MAP1A: variants seen among roughly 807,000 people sequenced by gnomAD.
MAP1A encodes microtubule associated protein 1A, also known as microtubule-associated protein 1A.
A neutral mutation model predicts 185.9 loss-of-function variants in MAP1A; 42 were observed. The observed-to-expected ratio is 0.23, with a 90% CI of 0.18 to 0.29. The LOEUF (loss-of-function observed/expected upper bound fraction) is 0.29, where lower values mean the gene tolerates loss of function less well. Among genes scored for constraint, MAP1A ranks in the 10% least tolerant of loss-of-function variants. The pLI, the probability that MAP1A is intolerant of heterozygous loss-of-function variation, is 1.00. For synonymous variants in MAP1A, 1,229 were observed against 1,335.9 expected, an observed-to-expected ratio of 0.92 and a Z score of 1.74; for missense variants, 2,995 against 3,450.4, an observed-to-expected ratio of 0.87 and a Z score of 3.31.
At chr15:43,511,085 A>C in exon 1 of MAP1A, 1 of 1,550,116 alleles carries the variant, frequency 6.5e-7, no homozygotes, top group East Asian at 2.4e-5. Context: ...GCTGGCTCAG[A>C]ACCCCGCGGA....
At position 43,528,569 on chromosome 15, in the gene MAP1A, A is replaced by G. The variant is rs1307407756; in HGVS notation, c.7096A>G (p.Ser2366Gly). The G allele has an allele frequency of 6.2e-7, 1 of 1,613,790 alleles. No individual in the cohort carries two copies. Among genetic ancestry groups the G allele is most frequent in the Admixed American group, 1.7e-5 (1 of 60,036 alleles). Residue 2366 changes from serine to glycine, a missense_variant, in exon 4 of 6, where the codon AGC (serine) becomes GGC (glycine). Ser to Gly is a moderately conservative substitution (Grantham distance 56). Transcript: ENST00000300231. ...TGCAGCCAATGGCCCAACTGAAACC[A>G]GCCCTAACCCCCCAGGCCCTGCCCC... Reference protein sequence around the residue: ...DCAANGPTETSPNPPGPAPAK... With the variant: ...DCAANGPTETGPNPPGPAPAK...
In MAP1A at chr15:43,529,814, C is replaced by T. The variant is rs753853596; in HGVS notation, c.8200C>T (p.Arg2734Trp). 1.1e-5 allele frequency: 17 copies of T among 1,613,982 alleles called. No homozygotes were observed. Among genetic ancestry groups the T allele is most frequent in the Admixed American group, 1.7e-5 (1 of 60,008 alleles). ...TGACCCTGCCAATGGCGAGCCAAGC[C>T]GGGCTGTGCTGGATGCCCTGCTGGA... The part of the protein sequence containing the change: ...GNDPANGEPS[R>W]AVLDALLEGK... Residue 2734 changes from arginine to tryptophan, a missense_variant, in exon 5 of 6, where the codon CGG (arginine) becomes TGG (tryptophan). This residue lies in a region of MAP1A where 2,728 missense variants were observed against 2,986.0 expected (regional missense o/e 0.91). Coordinates refer to ENST00000300231, the MANE Select transcript of MAP1A (RefSeq NM_002373.6). The surrounding 1 kb of genome is among the most constrained non-coding windows in gnomAD (Gnocchi z 4.3).
chr15:43,529,757 G>A lies in MAP1A; in HGVS notation c.8143G>A (p.Val2715Met), dbSNP rs1320218677. The A allele has an allele frequency of 6.2e-7, 1 of 1,614,194 alleles. No individual in the cohort carries two copies. Among genetic ancestry groups the A allele is most frequent in the Admixed American group, 1.7e-5 (1 of 60,032 alleles). Residue 2715 changes from valine (V) to methionine (M), a missense_variant, in exon 5 of 6, where the codon GTG (valine) becomes ATG (methionine). Transcript: ENST00000300231. The surrounding 1 kb of genome is among the most constrained non-coding windows in gnomAD (Gnocchi z 4.3). ...TGCTGACCTTGACTTCTTCCGTCGA[G>A]TGCGTGCATCCTACTATGTGGTCAG... Reference protein sequence around the residue: ...KTADLDFFRRVRASYYVVSGN... With the variant: ...KTADLDFFRRMRASYYVVSGN...
At position 43,523,555 on chromosome 15, in the gene MAP1A, G is replaced by A. The variant is rs988286517; in HGVS notation, c.2082G>A (p.Arg694=). The A allele has an allele frequency of 2.0e-5, 32 of 1,614,056 alleles. No homozygotes were observed. Among genetic ancestry groups the A allele is most frequent in the Non-Finnish European group, 2.7e-5 (32 of 1,180,034 alleles). The change falls in exon 4 of 6, where the codon AGG becomes AGA. Residue 694 remains arginine (R), a synonymous_variant. Coordinates refer to ENST00000300231, the MANE Select transcript of MAP1A (RefSeq NM_002373.6). ...HMQEPLKVTP[R]SREAFGGREL... Reference sequence around the variant, plus strand: ...AGGAACCCTTGAAGGTAACTCCAAGGAGCCGGGAGGCTTTTGGGGGTCGGG... The same window carrying A: ...AGGAACCCTTGAAGGTAACTCCAAGAAGCCGGGAGGCTTTTGGGGGTCGGG...
At position 43,524,831 on chromosome 15, in the gene MAP1A, G is replaced by A. The variant is rs770593617; in HGVS notation, c.3358G>A (p.Gly1120Arg). The change falls in exon 4 of 6, where the codon GGA (glycine) becomes AGA (arginine). Residue 1120 changes from glycine to arginine, a missense_variant. Physicochemically the swap from Gly to Arg is moderately radical, Grantham distance 125. Coordinates refer to ENST00000300231, the MANE Select transcript of MAP1A (RefSeq NM_002373.6). ...GPILGAEALP[G>R]GLRTLPQEPG... ...AATTCTGGGAGCAGAAGCCCTTCCC[G>A]GAGGTTTGAGGACTTTACCCCAAGA... 49 of 1,614,022 alleles carry A rather than the reference G, an allele frequency of 3.0e-5. No homozygotes were observed. In the East Asian group the frequency reaches 8.2e-4, roughly 27 times the overall value.
rs995882047 is a variant in MAP1A, at chr15:43,529,235, G to C, written c.7762G>C (p.Glu2588Gln). The C allele has an allele frequency of 1.2e-6, 2 of 1,606,356 alleles. No homozygotes were observed. The highest frequency in any genetic ancestry group is 2.7e-5 in the African/African-American group (2 of 74,484). Residue 2588 changes from glutamate to glutamine, a missense_variant, in exon 4 of 6, where the codon GAG becomes CAG. Physicochemically the swap from Glu to Gln is conservative, Grantham distance 29 (BLOSUM62 2). Coordinates refer to ENST00000300231, the MANE Select transcript of MAP1A (RefSeq NM_002373.6). The surrounding 1 kb of genome is among the most constrained non-coding windows in gnomAD (Gnocchi z 4.3). ...CMADPEGLSS[E>Q]SGRVERLREK... ...GGCTGACCCCGAGGGGCTCAGCTCA[G>C]AGTCTGGGAGAGTAGAGAGGCTACG...
rs1287650553 is a variant in MAP1A at position 43,524,927 on chromosome 15, T to C, written c.3454T>C (p.Ser1152Pro). 1.9e-6 allele frequency: 3 copies of C among 1,614,020 alleles called. No homozygotes were observed. The East Asian group carries it at 6.7e-5, about 36-fold the overall frequency. ...DRSLSPEDAE[S>P]LSVLSVPSPD... is the part of the protein sequence containing the mutation. ...AAGCCTCTCTCCTGAAGATGCAGAA[T>C]CCCTCTCTGTCCTCAGCGTGCCCTC... The change falls in exon 4 of 6, where the codon TCC (serine) becomes CCC (proline). Residue 1152 changes from serine (S) to proline (P), a missense_variant. Physicochemically the swap from Ser to Pro is moderately conservative, Grantham distance 74. This residue lies in a region of MAP1A where 2,728 missense variants were observed against 2,986.0 expected (regional missense o/e 0.91). Coordinates refer to ENST00000300231, the MANE Select transcript of MAP1A (RefSeq NM_002373.6).
chr15:43,518,716 C>G (rs1030430456), intron 1 of MAP1A, among the ~76,000 whole-genome samples: 13 of 138,140 alleles, frequency 9.4e-5, no homozygotes, highest in Admixed American at 3.5e-4. Context: ...CCACCCCCCC[C>G]CGCAACTCCA....
upstream of MAP1A, among the ~76,000 whole-genome samples, chr15:43,516,631 G>A (rs1385188724): frequency 1.3e-5 from 2 of 152,136 alleles, no homozygotes; most frequent in Non-Finnish European, 2.9e-5. Flanking sequence ...CTGAGATGGA[G>A]GTAGAGACTA....
chr15:43,529,901 C>CT lies in MAP1A; in HGVS notation c.8256+32dup. 1 of 1,599,364 alleles carries CT rather than the reference C, an allele frequency of 6.3e-7. No homozygotes were observed. Among genetic ancestry groups the CT allele is most frequent in the Non-Finnish European group, 8.5e-7 (1 of 1,170,250 alleles). On this transcript the variant is annotated intron_variant, in intron 5 of 5. Coordinates refer to ENST00000300231, the MANE Select transcript of MAP1A (RefSeq NM_002373.6). The surrounding 1 kb of genome is among the most constrained non-coding windows in gnomAD (Gnocchi z 4.3). Reference sequence around the variant, plus strand: ...TAGCAAAGGACACCAAGGAAGTAGTCTGGTCAACGCTCACTCAGAGGCAGT... The same window carrying CT: ...TAGCAAAGGACACCAAGGAAGTAGTCTTGGTCAACGCTCACTCAGAGGCAGT...
chr15:43,516,932 C>T (rs541830088), upstream of MAP1A, among the ~76,000 whole-genome samples: 8 of 152,290 alleles, frequency 5.3e-5, no homozygotes, highest in South Asian at 8.3e-4. Flanking sequence ...AGAATCAGTG[C>T]CTGTGTGGTT....
chr15:43,512,140 C>A, intron 1 of MAP1A: 2 of 1,072,648 alleles, frequency 1.9e-6, no homozygotes, highest in Non-Finnish European at 2.8e-6. Context: ...AGTCTCACCA[C>A]CCTACAACCT....
chr15:43,524,268 T>G lies in MAP1A; in HGVS notation c.2795T>G (p.Leu932Trp). ...AGAGGAGAGATCATAGGGAAAGGCT[T>G]GTCTGGAGAGAGAGCTGTGGAAGAG... ...EKRGEIIGKG[L>W]SGERAVEEEE... The change falls in exon 4 of 6, where the codon TTG (leucine) becomes TGG (tryptophan). Residue 932 changes from leucine (L) to tryptophan (W), a missense_variant. By Grantham distance (61) the Leu-to-Trp change is moderately conservative. This residue lies in a region of MAP1A where 2,728 missense variants were observed against 2,986.0 expected (regional missense o/e 0.91). Transcript: ENST00000300231. The G allele has an allele frequency of 6.2e-7, 1 of 1,614,146 alleles. No individual in the cohort carries two copies. Among genetic ancestry groups the G allele is most frequent in the Non-Finnish European group, 8.5e-7 (1 of 1,180,024 alleles).
Position 43,521,293 on chromosome 15 carries a change from C to G in MAP1A, c.-150-31C>G. ...GTCAGACCAAAACAACTCTAGTGAC[C>G]TGATCAGGTTTCTATCTCCTATTCT... On this transcript the variant is annotated intron_variant, in intron 3 of 5. Transcript: ENST00000300231. This position sits in a 1 kb window ranked among gnomAD's most constrained non-coding sequence, Gnocchi z 4.6. The G allele has an allele frequency of 6.4e-7, 1 of 1,557,406 alleles. No homozygotes were observed. The highest frequency in any genetic ancestry group is 8.7e-7 in the Non-Finnish European group (1 of 1,153,810).
At chr15:43,520,777 ACC>A (rs2079316111) in intron 2 of MAP1A, 54 bp downstream of exon 2, 3 of 1,431,240 alleles carry the variant, frequency 2.1e-6, no homozygotes, top group African/African-American at 2.8e-5. Context: ...TGCTATACCC[ACC>A]CTTGCCAGTG....
chr15:43,527,414 C>T lies in MAP1A; in HGVS notation c.5941C>T (p.Pro1981Ser), dbSNP rs199510693. The T allele has an allele frequency of 7.8e-5, 126 of 1,614,070 alleles. No homozygotes were observed. The highest frequency in any genetic ancestry group is 1.0e-4 in the Non-Finnish European group (123 of 1,180,026). The stretch of plus-strand genomic sequence containing the variant: ...GCAGATGATGCTTACTGGGCTTGGC[C>T]CTGCATGCCCCACTAGAGAGCCTCC... ...YEQMMLTGLG[P>S]ACPTREPPLG... Residue 1981 changes from proline (P) to serine (S), a missense_variant, in exon 4 of 6, where the codon CCT becomes TCT. Pro to Ser is a moderately conservative substitution (Grantham distance 74). Coordinates refer to ENST00000300231, the MANE Select transcript of MAP1A (RefSeq NM_002373.6).
chr15:43,529,592 A>T lies in MAP1A; in HGVS notation c.8036-58A>T. 3.7e-6 allele frequency: 6 copies of T among 1,606,126 alleles called. No individual in the cohort carries two copies. Among genetic ancestry groups the T allele is most frequent in the Non-Finnish European group, 5.1e-6 (6 of 1,173,284 alleles). ...AGACTTCAGGAGTGGGACAGAGGGG[A>T]AGGTTGCCAAAAGGGTTCTACTTTT... On this transcript the variant is annotated intron_variant, in intron 4 of 5. Transcript: ENST00000300231. This position sits in a 1 kb window ranked among gnomAD's most constrained non-coding sequence, Gnocchi z 4.3.
chr15:43,529,014 A>C lies in MAP1A; in HGVS notation c.7541A>C (p.Asp2514Ala). ...SDSGSSQSDS[D>A]VPPETEECPS... is the part of the protein sequence containing the mutation. Reference sequence around the variant, plus strand: ...TCAGGCTCCTCACAGTCAGATTCTGATGTCCCGCCAGAAACTGAGGAGTGT... The same window carrying C: ...TCAGGCTCCTCACAGTCAGATTCTGCTGTCCCGCCAGAAACTGAGGAGTGT... The change falls in exon 4 of 6, where the codon GAT becomes GCT. Residue 2514 changes from aspartate to alanine, a missense_variant. Asp to Ala is a moderately radical substitution (Grantham distance 126). Around this residue, in one of 3 missense-constraint regions of MAP1A, gnomAD observed 2,728 missense variants for 2,986.0 expected, o/e 0.91. Transcript: ENST00000300231. This position sits in a 1 kb window ranked among gnomAD's most constrained non-coding sequence, Gnocchi z 4.3. 1 of 1,613,742 alleles carries C rather than the reference A, an allele frequency of 6.2e-7. No individual in the cohort carries two copies. Among genetic ancestry groups the C allele is most frequent in the South Asian group, 1.1e-5 (1 of 91,078 alleles).
Position 43,529,178 on chromosome 15 carries a change from C to A in MAP1A, c.7705C>A (p.Arg2569Ser). Residue 2569 changes from arginine to serine, a missense_variant, in exon 4 of 6, where the codon CGC (arginine) becomes AGC (serine). Around this residue, in one of 3 missense-constraint regions of MAP1A, gnomAD observed 2,728 missense variants for 2,986.0 expected, o/e 0.91. Transcript: ENST00000300231. This position sits in a 1 kb window ranked among gnomAD's most constrained non-coding sequence, Gnocchi z 4.3. Reference sequence around the variant, plus strand: ...ACCTCCTCTCCCACAGCCAGACCCCCGCCCATCCCCTCCCCGCCCTGATGT... The same window carrying A: ...ACCTCCTCTCCCACAGCCAGACCCCAGCCCATCCCCTCCCCGCCCTGATGT... ...DPPPLPQPDP[R>S]PSPPRPDVCM... The A allele has an allele frequency of 6.2e-7, 1 of 1,612,322 alleles. No homozygotes were observed. Among genetic ancestry groups the A allele is most frequent in the Non-Finnish European group, 8.5e-7 (1 of 1,179,296 alleles).
Sources: allele counts gnomAD v4.1 joint callset (sites outside exome capture counted in the v4.1 genomes callset), GRCh38; gene constraint gnomAD v4.1.1; regional missense constraint gnomAD v4.1.1; non-coding constraint Gnocchi (gnomAD v3.1); transcripts MANE v1.5; gene names NCBI Gene and HGNC (gene_info 2026-07-23, HGNC 2026-07-21).